RASAL1: variants seen among roughly 807,000 people sequenced by gnomAD.
RASAL1 encodes rasGAP-activating-like protein 1.
A neutral mutation model predicts 96.6 loss-of-function variants in RASAL1; 72 were observed. The ratio of observed to expected loss-of-function variants is 0.75; its 90% confidence interval spans 0.62 to 0.91. The LOEUF (loss-of-function observed/expected upper bound fraction) is 0.91. Ranked by LOEUF, RASAL1 falls within the 40% of genes least tolerant of loss-of-function variation. RASAL1 has a pLI of 0.00. For missense variants in RASAL1, 1,016 were observed against 1,072.5 expected (o/e 0.95, Z 0.74); for synonymous variants, 405 against 430.4 (o/e 0.94, Z 0.73).
At position 113,135,326 on chromosome 12, in the gene RASAL1, C is replaced by A. The variant is rs1012701492; in HGVS notation, c.65+72G>T. The A allele has an allele frequency of 1.2e-5, 17 of 1,441,832 alleles. No individual in the cohort carries two copies. The Admixed American group carries it at 2.2e-4, about 19-fold the overall frequency. The allele number at this position is 1,441,832 out of a possible 1,614,324, so 89.3% of individuals were successfully genotyped here. Reference sequence around the variant, plus strand: ...CCTCCTGCCAACCCGCCCTGGCACGCGGAAAGGGCGACGTCGGCCCCACCC... The same window carrying A: ...CCTCCTGCCAACCCGCCCTGGCACGAGGAAAGGGCGACGTCGGCCCCACCC... On this transcript the variant is annotated intron_variant, in intron 1 of 20. Coordinates refer to ENST00000548055, the MANE Select transcript of RASAL1 (RefSeq NM_001301202.2). This position sits in a 1 kb window ranked among gnomAD's most constrained non-coding sequence, Gnocchi z 5.7.
Position 113,105,660 on chromosome 12 carries a change from C to G in RASAL1, c.1830+54G>C, listed in dbSNP as rs1592890200. On this transcript the variant is annotated intron_variant, in intron 16 of 20. Transcript: ENST00000548055. ...TTTCCCCCTGGGTACAAAGAGGCAG[C>G]ACACTGAAAAAGGCCACCCCTGGAA... The G allele has an allele frequency of 2.0e-6, 3 of 1,513,222 alleles. No individual in the cohort carries two copies. In the East Asian group the frequency reaches 6.9e-5, roughly 35 times the overall value. 93.7% of individuals were successfully genotyped at this position (1,513,222 alleles called of 1,614,324 possible).
At chr12:113,107,055 C>T in intron 15 of RASAL1, 42 bp downstream of exon 15, 2 of 1,577,182 alleles carry the variant, frequency 1.3e-6, no homozygotes, top group Non-Finnish European at 8.6e-7. Context: ...GGTGTCTCAA[C>T]TGGGCTGAGA....
intron 15 of RASAL1, among the ~76,000 whole-genome samples, chr12:113,106,790 C>T (rs1227997367): frequency 6.6e-6 from 1 of 152,196 alleles, no homozygotes; most frequent in Non-Finnish European, 1.5e-5. Context: ...ACTGCTGCAT[C>T]CCCAGCACCT....
Position 113,099,800 on chromosome 12 carries a change from C to A in RASAL1, c.*129G>T. On this transcript the variant is annotated 3_prime_UTR_variant, in exon 21 of 21. Transcript: ENST00000548055. ...TGGACTCAAGGCACACAGGACTAGGCACGTCTCTGGGAGCCTCCAAACCAC... is the reference window on the plus strand; with the variant it reads ...TGGACTCAAGGCACACAGGACTAGGAACGTCTCTGGGAGCCTCCAAACCAC... 7.4e-7 allele frequency: 1 copy of A among 1,342,740 alleles called. No individual in the cohort carries two copies. The highest frequency in any genetic ancestry group is 1.0e-6 in the Non-Finnish European group (1 of 983,640). The allele number at this position is 1,342,740 out of a possible 1,614,324, so 83.2% of individuals were successfully genotyped here.
At position 113,103,947 on chromosome 12, in the gene RASAL1, T is replaced by C; in HGVS notation, c.2103A>G (p.Ser701=). 2 of 1,554,774 alleles carry C rather than the reference T, an allele frequency of 1.3e-6. No homozygotes were observed. The highest frequency in any genetic ancestry group is 1.7e-6 in the Non-Finnish European group (2 of 1,152,374). ...CTGCAGTCCGCCCTGCCCCCTCACC[T>C]GAGCGCTCAGCCTGGAGGCAGCAGG... ...RWTCCLQAER[S]AAGCSRTHSA... Residue 701 remains serine (S), a splice_region_variant and synonymous_variant, in exon 18 of 21, where the codon TCA becomes TCG. Coordinates refer to ENST00000548055, the MANE Select transcript of RASAL1 (RefSeq NM_001301202.2).
At chr12:113,125,224 C>A (rs1438859436) in intron 4 of RASAL1, among the ~76,000 whole-genome samples, 1 of 151,478 alleles carries the variant, frequency 6.6e-6, no homozygotes, top group Non-Finnish European at 1.5e-5. Flanking sequence ...CTTTTTAGGT[C>A]TAACAGAAAA....
At chr12:113,113,939 T>C (rs1340421842) in intron 12 of RASAL1, among the ~76,000 whole-genome samples, 1 of 152,154 alleles carries the variant, frequency 6.6e-6, no homozygotes, top group African/African-American at 2.4e-5. Flanking sequence ...ATCGCTAATG[T>C]TGGGGACCCC....
At chr12:113,119,305 C>T (rs752394359) in intron 6 of RASAL1, 46 bp from the exon 7 acceptor site, 16 of 1,612,404 alleles carry the variant, frequency 9.9e-6, no homozygotes, top group African/African-American at 1.3e-5. Context: ...CTGATGGGGA[C>T]TCCTGCCCCA....
chr12:113,130,905 C>T lies in RASAL1; in HGVS notation c.102G>A (p.Val34=), dbSNP rs150032840. Residue 34 remains valine, a synonymous_variant, in exon 2 of 21, where the codon GTG becomes GTA. Transcript: ENST00000548055. This position sits in a 1 kb window ranked among gnomAD's most constrained non-coding sequence, Gnocchi z 5.1. ...CTCACCTGGCCACCACCTCGTCGTC[C>T]ACTTTCACTAGGCAGTAGGGGTCGC... The part of the protein sequence containing the change: ...GSSDPYCLVK[V]DDEVVARTAT... 6.2e-7 allele frequency: 1 copy of T among 1,613,638 alleles called. No individual in the cohort carries two copies. Among genetic ancestry groups the T allele is most frequent in the African/African-American group, 1.3e-5 (1 of 74,920 alleles).
intron 1 of RASAL1, among the ~76,000 whole-genome samples, chr12:113,132,075 G>A (rs1450822575): frequency 1.3e-5 from 2 of 149,368 alleles, no homozygotes; most frequent in South Asian, 2.1e-4. Context: ...AAGTTCAAGC[G>A]ATTCTCCTGC....
At chr12:113,124,202 A>G (rs1198649415) in intron 4 of RASAL1, among the ~76,000 whole-genome samples, 1 of 138,074 alleles carries the variant, frequency 7.2e-6, no homozygotes, top group Non-Finnish European at 1.5e-5. Context: ...TGGGTGATAG[A>G]GCGAGACTCT....
rs1253253898 is a variant in RASAL1, at chr12:113,116,070, T to C, written c.732-19A>G. ...GTTCCCCCTGTCCAGGATCAGATCA[T>C]AAGAAAATGAAAGATCTGGCCGAAC... On this transcript the variant is annotated intron_variant, in intron 8 of 20. Transcript: ENST00000548055. 6.5e-7 allele frequency: 1 copy of C among 1,534,518 alleles called. No individual in the cohort carries two copies. The highest frequency in any genetic ancestry group is 2.1e-5 in the Admixed American group (1 of 47,926).
chr12:113,109,192 C>A (rs143974863), intron 13 of RASAL1, among the ~76,000 whole-genome samples: 25 of 152,076 alleles, frequency 1.6e-4, no homozygotes, highest in African/African-American at 5.8e-4. Context: ...AGGATTTGAA[C>A]TCTCTGTTCT....
At chr12:113,120,405 C>T (rs115978875) in intron 5 of RASAL1, among the ~76,000 whole-genome samples, 7 of 152,230 alleles carry the variant, frequency 4.6e-5, no homozygotes, top group African/African-American at 1.7e-4. Context: ...TCTCCCTCAA[C>T]CAGACTCTAG....
In RASAL1 at chr12:113,099,290, C is replaced by T. The variant is rs1324981542; in HGVS notation, c.*639G>A. 1 of 152,170 alleles carries T rather than the reference C, an allele frequency of 6.6e-6. No homozygotes were observed. Among genetic ancestry groups the T allele is most frequent in the Non-Finnish European group, 1.5e-5 (1 of 68,030 alleles). 9.4% of individuals were successfully genotyped at this position (152,170 alleles called of 1,614,324 possible). A position where few individuals can be genotyped will look rare whatever the true frequency, so the allele number is the denominator to read the frequency against. On this transcript the variant is annotated 3_prime_UTR_variant, in exon 21 of 21. Transcript: ENST00000548055. ...AAAACCACACATCTAGACTTTCCCT[C>T]CTCTTTTTATACAGGGTAATCTGAG...
chr12:113,104,879 C>T (rs1352074405), intron 16 of RASAL1, among the ~76,000 whole-genome samples: 2 of 152,208 alleles, frequency 1.3e-5, no homozygotes, highest in East Asian at 1.9e-4. Flanking sequence ...ACTTGGGACG[C>T]GATTCCAAGC....
At chr12:113,110,485 G>A (rs1453308101) in intron 13 of RASAL1, among the ~76,000 whole-genome samples, 1 of 152,204 alleles carries the variant, frequency 6.6e-6, no homozygotes, top group African/African-American at 2.4e-5. Flanking sequence ...TGAGGACAAT[G>A]ACAGCCACCT....
chr12:113,103,061 C>A (rs979799647), intron 18 of RASAL1: 1 of 328,150 alleles, frequency 3.0e-6, no homozygotes, highest in Non-Finnish European at 6.1e-6. Flanking sequence ...TCAGAGGCAT[C>A]CACTGGAATC....
chr12:113,115,151 A>G lies in RASAL1; in HGVS notation c.1068+49T>C. On this transcript the variant is annotated intron_variant, in intron 11 of 20. Transcript: ENST00000548055. The surrounding 1 kb of genome is among the most constrained non-coding windows in gnomAD (Gnocchi z 4.1). ...GGGAGCCAGGTAGGCACTGGGAAGG[A>G]GGTACCCGAGGAAGCTGCGCCTGGT... The G allele has an allele frequency of 2.6e-6, 4 of 1,534,480 alleles. No individual in the cohort carries two copies. The highest frequency in any genetic ancestry group is 3.6e-6 in the Non-Finnish European group (4 of 1,108,518).
Sources: allele counts gnomAD v4.1 joint callset (sites outside exome capture counted in the v4.1 genomes callset), GRCh38; gene constraint gnomAD v4.1.1; non-coding constraint Gnocchi (gnomAD v3.1); transcripts MANE v1.5; gene names NCBI Gene and HGNC (gene_info 2026-07-23, HGNC 2026-07-21).